Variants in PKIB observed in about 807,000 individuals in gnomAD.
PKIB encodes the protein PKI-beta.
A neutral mutation model predicts 4.5 loss-of-function variants in PKIB; 2 were observed. That is an observed-to-expected ratio of 0.44 (90% CI 0.18 to 1.39). PKIB has a LOEUF of 1.39. Ranked by LOEUF, PKIB falls within the 40% of genes most tolerant of loss-of-function variation. The probability of loss-of-function intolerance (pLI) is 0.27; values close to 1 mark genes in which losing one functional copy is unlikely to be tolerated. For synonymous variants in PKIB, 38 were observed against 36.0 expected (o/e 1.06, Z -0.20); for missense variants, 94 against 92.6 (o/e 1.02, Z -0.06).
intron 2 of PKIB, among the ~76,000 whole-genome samples, chr6:122,537,215 G>A (rs532786693): frequency 1.1e-4 from 16 of 151,982 alleles, no homozygotes; most frequent in African/African-American, 3.6e-4. Context: ...TGTGCACAAT[G>A]TGCAGGTTTG....
chr6:122,481,387 C>T (rs1205851138), intron 2 of PKIB: 1 of 152,118 alleles, frequency 6.6e-6, no homozygotes, highest in African/African-American at 2.4e-5. Flanking sequence ...AACTAAATGC[C>T]ACATGTAATC....
chr6:122,697,276 C>CTATG (rs1393258989), intron 3 of PKIB, among the ~76,000 whole-genome samples: 4 of 152,034 alleles, frequency 2.6e-5, no homozygotes, highest in Non-Finnish European at 5.9e-5. Flanking sequence ...GATACCTGAT[C>CTATG]TATGGGAGGA....
At chr6:122,603,972 G>C (rs1270012092) in intron 3 of PKIB, among the ~76,000 whole-genome samples, 1 of 152,138 alleles carries the variant, frequency 6.6e-6, no homozygotes, top group Non-Finnish European at 1.5e-5. Context: ...GTGTGTGTGT[G>C]TACTTATGGT....
chr6:122,690,547 T>A (rs546198199), intron 3 of PKIB, among the ~76,000 whole-genome samples: 2 of 152,246 alleles, frequency 1.3e-5, no homozygotes, highest in African/African-American at 4.8e-5. Context: ...AACTCTATAC[T>A]TTAACTTCCT....
At chr6:122,502,009 A>C (rs942276793) in intron 2 of PKIB, among the ~76,000 whole-genome samples, 2 of 147,880 alleles carry the variant, frequency 1.4e-5, no homozygotes, top group Non-Finnish European at 3.0e-5. Context: ...CTGGAGTGCA[A>C]TGGCACAATC....
chr6:122,548,123 T>C (rs1331575766), intron 2 of PKIB, among the ~76,000 whole-genome samples: 1 of 152,196 alleles, frequency 6.6e-6, no homozygotes, highest in South Asian at 2.1e-4. Flanking sequence ...TACACAAGGG[T>C]AATTTAATTT....
chr6:122,484,345 T>C (rs1210402544), intron 2 of PKIB, among the ~76,000 whole-genome samples: 2 of 152,214 alleles, frequency 1.3e-5, no homozygotes, highest in African/African-American at 4.8e-5. Flanking sequence ...TTGGTTTATG[T>C]ACTTGTTTTG....
At position 122,491,236 on chromosome 6, in the gene PKIB, C is replaced by T. The variant is rs557073226; in HGVS notation, c.-248+13297C>T. ...TATTCTGCACTTGGAGCTGCCTGTT[C>T]TCATGCACAGTGTGTTACTGGAGTT... On this transcript the variant is annotated intron_variant, in intron 2 of 6. Transcript: ENST00000392491. 1.3e-4 allele frequency among the ~76,000 whole-genome samples: 20 copies of T among 152,274 alleles called. No individual in the cohort carries two copies. In the South Asian group the frequency reaches 4.1e-3, roughly 32 times the overall value.
chr6:122,500,640 AC>A (rs1776203673), intron 2 of PKIB, among the ~76,000 whole-genome samples: 1 of 152,198 alleles, frequency 6.6e-6, no homozygotes, highest in Non-Finnish European at 1.5e-5. Flanking sequence ...TTCCTAGAAA[AC>A]AAGTAGGCAT....
chr6:122,536,138 C>T (rs1777400383), intron 2 of PKIB, among the ~76,000 whole-genome samples: 1 of 152,082 alleles, frequency 6.6e-6, no homozygotes, highest in Admixed American at 6.6e-5. Context: ...CGGAGTTTCA[C>T]CATGGTAGCC....
intron 3 of PKIB, among the ~76,000 whole-genome samples, chr6:122,604,105 C>T (rs540771152): frequency 1.2e-3 from 176 of 152,264 alleles, no homozygotes; most frequent in African/African-American, 3.8e-3. Context: ...GTTAGCAATT[C>T]ATGTACTGGT....
intron 2 of PKIB, among the ~76,000 whole-genome samples, chr6:122,516,341 C>T (rs1424940043): frequency 6.6e-6 from 1 of 152,128 alleles, no homozygotes; most frequent in Non-Finnish European, 1.5e-5. Flanking sequence ...TAATATAACT[C>T]CATAGGAGAC....
At chr6:122,689,233 C>T (rs1407113282) in intron 3 of PKIB, among the ~76,000 whole-genome samples, 1 of 151,720 alleles carries the variant, frequency 6.6e-6, no homozygotes, top group Non-Finnish European at 1.5e-5. Context: ...TTTATTGATC[C>T]TTTGTGTTAT....
intron 3 of PKIB, among the ~76,000 whole-genome samples, chr6:122,695,785 G>A (rs1008490108): frequency 1.3e-5 from 2 of 152,074 alleles, no homozygotes; most frequent in Non-Finnish European, 2.9e-5. Context: ...CTAGCTTAGG[G>A]CAAGTTTCTT....
rs1057327642 is a variant in PKIB, at chr6:122,726,010, A to G, written c.*815A>G. 8 of 152,144 alleles carry G rather than the reference A, an allele frequency of 5.3e-5. No homozygotes were observed. The highest frequency in any genetic ancestry group is 1.4e-4 in the African/African-American group (6 of 41,446). The allele number at this position is 152,144 out of a possible 1,614,324, so 9.4% of individuals were successfully genotyped here. Reference sequence around the variant, plus strand: ...TTGTGTATGTCTGACTTGTTTTTAAATAACTTCCTCAGCAATGCAGACCTT... The same window carrying G: ...TTGTGTATGTCTGACTTGTTTTTAAGTAACTTCCTCAGCAATGCAGACCTT... On this transcript the variant is annotated 3_prime_UTR_variant, in exon 5 of 5. Coordinates refer to ENST00000368452, the MANE Select transcript of PKIB (RefSeq NM_181795.3).
intron 2 of PKIB, among the ~76,000 whole-genome samples, chr6:122,523,488 A>T (rs1356169468): frequency 6.6e-6 from 1 of 152,104 alleles, no homozygotes; most frequent in Non-Finnish European, 1.5e-5. Context: ...TGCTGTTCTC[A>T]TGATAGTTAA....
At chr6:122,524,422 T>G (rs9385254) in intron 2 of PKIB, among the ~76,000 whole-genome samples, 19,696 of 151,976 alleles carry the variant, frequency 0.13, 1,381 homozygotes, top group East Asian at 0.21. Flanking sequence ...TTTTGCTGCT[T>G]CTTCTTCATT....
intron 2 of PKIB, among the ~76,000 whole-genome samples, chr6:122,655,811 T>C (rs1453423150): frequency 1.3e-5 from 2 of 152,196 alleles, no homozygotes. Flanking sequence ...TCTCTAATTA[T>C]TGACTATTAT....
At chr6:122,646,471 G>A (rs1346309126) in intron 2 of PKIB, among the ~76,000 whole-genome samples, 3 of 152,140 alleles carry the variant, frequency 2.0e-5, no homozygotes, top group Non-Finnish European at 2.9e-5. Context: ...AAAGAAAAAT[G>A]AAACCCTCAA....
Sources: allele counts gnomAD v4.1 joint callset (sites outside exome capture counted in the v4.1 genomes callset), GRCh38; gene constraint gnomAD v4.1.1; transcripts MANE v1.5; gene names NCBI Gene and HGNC (gene_info 2026-07-23, HGNC 2026-07-21).